Variants in CDH18 observed in about 807,000 individuals in gnomAD.
The protein encoded by CDH18 is cadherin-18.
Under a neutral mutation model 67.9 loss-of-function variants are expected in CDH18, and 31 were observed. The ratio of observed to expected loss-of-function variants is 0.46; its 90% CI spans 0.34 to 0.62. The LOEUF is 0.62. CDH18 is among the 20% of genes least tolerant of loss of function. The probability of loss-of-function intolerance (pLI) is 0.01; values close to 1 mark genes in which losing one functional copy is unlikely to be tolerated. For missense variants in CDH18, 890 were observed against 975.5 expected, an observed-to-expected ratio of 0.91 and a Z score of 1.17; for synonymous variants, 362 against 347.2, an observed-to-expected ratio of 1.04 and a Z score of -0.48.
At chr5:20,554,390 T>A (rs551358544) in intron 1 of CDH18, among the ~76,000 whole-genome samples, 4 of 152,244 alleles carry the variant, frequency 2.6e-5, no homozygotes, top group Non-Finnish European at 5.9e-5. Flanking sequence ...TATTATTCTT[T>A]ATCTTCAATA....
At position 20,525,437 on chromosome 5, in the gene CDH18, G is replaced by A. The variant is rs528321797; in HGVS notation, c.-580+50025C>T. On this transcript the variant is annotated intron_variant, in intron 1 of 14. Coordinates refer to the CDH18 transcript ENST00000507958. Reference sequence around the variant, plus strand: ...TTACAGGCTGAAAAGCAACACCCTGGAAATCAGAGGGGGCAGATGGCTCCA... The same window carrying A: ...TTACAGGCTGAAAAGCAACACCCTGAAAATCAGAGGGGGCAGATGGCTCCA... Among the ~76,000 whole-genome samples the A allele has an allele frequency of 8.5e-5, 13 of 152,160 alleles. No individual in the cohort carries two copies. In the South Asian group the frequency reaches 2.5e-3, roughly 29 times the overall value.
At chr5:20,406,767 C>T (rs560155778) in intron 1 of CDH18, among the ~76,000 whole-genome samples, 174 of 152,070 alleles carry the variant, frequency 1.1e-3, no homozygotes, top group Non-Finnish European at 1.9e-3. Flanking sequence ...AATAGGGAAC[C>T]CCAAGCTCTT....
chr5:19,907,235 G>A (rs1490512314), intron 2 of CDH18, among the ~76,000 whole-genome samples: 1 of 151,712 alleles, frequency 6.6e-6, no homozygotes. Context: ...TCTGTAGATT[G>A]ACAAACAATA....
intron 1 of CDH18, among the ~76,000 whole-genome samples, chr5:20,361,843 A>C (rs1742113515): frequency 6.6e-6 from 1 of 152,154 alleles, no homozygotes; most frequent in Admixed American, 6.5e-5. Flanking sequence ...ATTTTAAATA[A>C]GAAAAATTTT....
chr5:20,553,656 G>A (rs551422113), intron 1 of CDH18, among the ~76,000 whole-genome samples: 59 of 152,246 alleles, frequency 3.9e-4, no homozygotes, highest in African/African-American at 1.3e-3. Flanking sequence ...AGTCCACTGC[G>A]TAACCAAAGT....
At chr5:20,217,482 G>A (rs967801794) in intron 2 of CDH18, among the ~76,000 whole-genome samples, 2 of 151,634 alleles carry the variant, frequency 1.3e-5, no homozygotes, top group African/African-American at 2.4e-5. Flanking sequence ...TTATTTTCAA[G>A]CCTCATGGCA....
intron 2 of CDH18, among the ~76,000 whole-genome samples, chr5:19,999,468 G>T (rs1320014674): frequency 2.0e-5 from 3 of 152,162 alleles, no homozygotes; most frequent in Non-Finnish European, 4.4e-5. Context: ...CGGGCATGGT[G>T]GCAGGTACCT....
At position 20,420,671 on chromosome 5, in the gene CDH18, A is replaced by G. The variant is rs552835595; in HGVS notation, c.-580+154791T>C. On this transcript the variant is annotated intron_variant, in intron 1 of 14. Transcript: ENST00000507958. ...TTTGCCCTAGTCCTAACCATAAACT[A>G]AAACCAAAATTACTTTAAATCTCTT... Among the ~76,000 whole-genome samples, 8 of 151,354 alleles carry G rather than the reference A, an allele frequency of 5.3e-5. No individual in the cohort carries two copies. In the South Asian group the frequency reaches 1.4e-3, roughly 27 times the overall value.
At chr5:20,544,708 A>C (rs534546406) in intron 1 of CDH18, among the ~76,000 whole-genome samples, 2 of 152,240 alleles carry the variant, frequency 1.3e-5, no homozygotes, top group South Asian at 4.1e-4. Flanking sequence ...CCCACCCTCA[A>C]CGTGTGAGGA....
chr5:19,646,570 C>T (rs116117758), intron 5 of CDH18, among the ~76,000 whole-genome samples: 6,035 of 152,120 alleles, frequency 0.04, 411 homozygotes, highest in African/African-American at 0.14. Flanking sequence ...AAACTCCTGA[C>T]CTCGTCGTGA....
At chr5:20,401,771 A>G (rs1745791348) in intron 1 of CDH18, among the ~76,000 whole-genome samples, 1 of 152,224 alleles carries the variant, frequency 6.6e-6, no homozygotes, top group Non-Finnish European at 1.5e-5. Flanking sequence ...ATCATCATTC[A>G]TCAATTGGAG....
intron 1 of CDH18, among the ~76,000 whole-genome samples, chr5:20,312,368 T>C (rs1737071310): frequency 6.6e-6 from 1 of 152,176 alleles, no homozygotes; most frequent in South Asian, 2.1e-4. Flanking sequence ...TATGGCTTCC[T>C]TTTAAATTAA....
intron 3 of CDH18, among the ~76,000 whole-genome samples, chr5:19,749,210 T>C (rs1770509740): frequency 6.6e-6 from 1 of 152,004 alleles, no homozygotes; most frequent in South Asian, 2.1e-4. Context: ...ATGACCAAAA[T>C]GTAGCAAAGT....
At chr5:20,543,275 T>C (rs189383851) in intron 1 of CDH18, among the ~76,000 whole-genome samples, 232 of 152,112 alleles carry the variant, frequency 1.5e-3, no homozygotes, top group African/African-American at 4.9e-3. Context: ...ATATTTCATC[T>C]TATTGTTAGA....
At chr5:20,560,445 A>G (rs368571256) in intron 1 of CDH18, among the ~76,000 whole-genome samples, 33 of 148,076 alleles carry the variant, frequency 2.2e-4, no homozygotes, top group African/African-American at 5.0e-5. Context: ...GACTTTAACC[A>G]CTGCCCTGGC....
At chr5:19,919,269 T>A (rs1792173885) in intron 2 of CDH18, among the ~76,000 whole-genome samples, 1 of 150,956 alleles carries the variant, frequency 6.6e-6, no homozygotes. Context: ...TATGATATTA[T>A]AATCCTTATT....
At chr5:19,898,090 CTA>C (rs1170635468) in intron 2 of CDH18, among the ~76,000 whole-genome samples, 2 of 152,014 alleles carry the variant, frequency 1.3e-5, no homozygotes, top group Admixed American at 6.6e-5. Flanking sequence ...GTTCCAGAAA[CTA>C]TACTAAAGAG....
At chr5:19,530,524 C>G (rs1340600797) in intron 9 of CDH18, among the ~76,000 whole-genome samples, 1 of 152,070 alleles carries the variant, frequency 6.6e-6, no homozygotes, top group Non-Finnish European at 1.5e-5. Context: ...TGTTGGTGTG[C>G]TGCACCCATT....
intron 2 of CDH18, among the ~76,000 whole-genome samples, chr5:20,096,423 T>G (rs181052759): frequency 6.6e-6 from 1 of 152,130 alleles, no homozygotes; most frequent in African/African-American, 2.4e-5. Flanking sequence ...AAGGAAAAAT[T>G]GTATCAGCAG....
Sources: gnomAD v4.1 joint callset for allele counts (sites outside exome capture counted in the v4.1 genomes callset) on GRCh38, gnomAD v4.1.1 for gene constraint, MANE v1.5 for transcripts, NCBI Gene and HGNC (gene_info 2026-07-23, HGNC 2026-07-21) for gene names.